PCDH11X: variants seen among roughly 807,000 people sequenced by gnomAD.
PCDH11X encodes the protein protocadherin 11 X-linked.
A neutral mutation model predicts 53.3 loss-of-function variants in PCDH11X; 18 were observed. The observed-to-expected ratio is 0.34, with a 90% CI of 0.23 to 0.50. The LOEUF is 0.50. Ranked by LOEUF, PCDH11X falls within the 20% of genes least tolerant of loss-of-function variation. The pLI, the probability that PCDH11X is intolerant of heterozygous loss-of-function variation, is 0.98. For synonymous variants in PCDH11X, 279 were observed against 393.3 expected, an observed-to-expected ratio of 0.71 and a Z score of 3.44; for missense variants, 570 against 1,032.4, an observed-to-expected ratio of 0.55 and a Z score of 6.14.
chrX:92,376,083 C>T (rs2070747788), intron 8 of PCDH11X, among the ~76,000 whole-genome samples: 1 of 111,572 alleles, frequency 9.0e-6, no homozygotes, highest in African/African-American at 3.3e-5. Context: ...GCCCTTCTTT[C>T]CCCTATTAGG....
At chrX:92,424,092 AC>A (rs2072043100) in intron 9 of PCDH11X, among the ~76,000 whole-genome samples, 1 of 95,687 alleles carries the variant, frequency 1.0e-5, no homozygotes, top group African/African-American at 3.4e-5. Context: ...GGTACCTTTC[AC>A]AATATTGATT....
At chrX:92,285,500 G>A (rs1019131114) in intron 8 of PCDH11X, among the ~76,000 whole-genome samples, 7 of 110,240 alleles carry the variant, frequency 6.3e-5, no homozygotes, top group Non-Finnish European at 7.6e-5. Context: ...TGATCCGCCC[G>A]CTTCGGCCTC....
intron 6 of PCDH11X, among the ~76,000 whole-genome samples, chrX:92,119,735 C>T (rs2064715114): frequency 8.9e-6 from 1 of 111,791 alleles, no homozygotes; most frequent in Non-Finnish European, 1.9e-5. Flanking sequence ...AGCTGGACAG[C>T]TAGCACATTT....
chrX:92,190,376 C>T (rs144304791), intron 6 of PCDH11X, among the ~76,000 whole-genome samples: 1,733 of 111,403 alleles, frequency 0.016, 30 homozygotes, highest in African/African-American at 0.053. Flanking sequence ...GATGGTTGTA[C>T]GTGTGCAGTC....
chrX:92,576,007 T>TAC (rs1315533321), intron 10 of PCDH11X, among the ~76,000 whole-genome samples: 13 of 34,830 alleles, frequency 3.7e-4, no homozygotes, highest in African/African-American at 1.2e-3. Flanking sequence ...TATATATATA[T>TAC]ATATACACAC....
intron 5 of PCDH11X, among the ~76,000 whole-genome samples, chrX:91,853,894 T>A (rs1938177126): frequency 9.0e-6 from 1 of 110,827 alleles, no homozygotes; most frequent in Admixed American, 9.7e-5. Flanking sequence ...TAGTACATCA[T>A]AGGTGTATAT....
chrX:92,408,180 C>A (rs1203391970), intron 9 of PCDH11X, among the ~76,000 whole-genome samples: 4 of 110,645 alleles, frequency 3.6e-5, no homozygotes, highest in Admixed American at 9.6e-5. Context: ...ACCTTGCCAG[C>A]CTTAAAGTGT....
At chrX:92,533,339 T>A (rs1211459876) in intron 10 of PCDH11X, among the ~76,000 whole-genome samples, 1 of 110,443 alleles carries the variant, frequency 9.1e-6, no homozygotes, top group East Asian at 2.9e-4. Context: ...AAAAATGTCC[T>A]ACTTAACATA....
chrX:92,052,521 A>G (rs2063382964), intron 6 of PCDH11X, among the ~76,000 whole-genome samples: 1 of 64,401 alleles, frequency 1.6e-5, no homozygotes, highest in Non-Finnish European at 2.9e-5. Context: ...TTGTCCAGTT[A>G]TAATTATCTA....
intron 6 of PCDH11X, among the ~76,000 whole-genome samples, chrX:92,124,546 A>T (rs1455519618): frequency 6.5e-5 from 6 of 92,855 alleles, no homozygotes; most frequent in African/African-American, 2.9e-4. Flanking sequence ...ACTCCATTTA[A>T]AAAAAAAAAA....
chrX:92,001,335 T>G (rs895511377), intron 6 of PCDH11X, among the ~76,000 whole-genome samples: 1 of 111,903 alleles, frequency 8.9e-6, no homozygotes, highest in African/African-American at 3.2e-5. Flanking sequence ...TCAGTGATGT[T>G]GAGCACCTTC....
chrX:92,375,160 ATATATATTTTT>A (rs2070714815), intron 8 of PCDH11X, among the ~76,000 whole-genome samples: 1 of 11,306 alleles, frequency 8.8e-5, no homozygotes, highest in South Asian at 6.3e-3. Flanking sequence ...ATATATATAT[ATATATATTTTT>A]TTTTTTTTTT....
intron 1 of PCDH11X, among the ~76,000 whole-genome samples, chrX:91,785,116 G>A (rs1935284652): frequency 1.9e-5 from 2 of 104,755 alleles, no homozygotes; most frequent in Non-Finnish European, 3.9e-5. Flanking sequence ...TCCTGACACT[G>A]TTTCGCTGCA....
At chrX:92,226,514 T>C (rs765696263) in intron 7 of PCDH11X, among the ~76,000 whole-genome samples, 36 of 111,902 alleles carry the variant, frequency 3.2e-4, no homozygotes, top group Admixed American at 2.6e-3. Context: ...CCAGTTCTTA[T>C]TGGAATTAAA....
intron 4 of PCDH11X, chrX:91,834,935 T>C: frequency 1.3e-6 from 1 of 761,727 alleles, no homozygotes; most frequent in African/African-American, 2.3e-5. Flanking sequence ...GTCCCTCCTT[T>C]ATAATGATTC....
intron 6 of PCDH11X, among the ~76,000 whole-genome samples, chrX:92,050,821 C>G (rs1370742539): frequency 1.9e-5 from 2 of 107,824 alleles, no homozygotes; most frequent in African/African-American, 6.7e-5. Flanking sequence ...AATTCCCTTG[C>G]AAGTTTTGGT....
intron 6 of PCDH11X, among the ~76,000 whole-genome samples, chrX:92,126,478 G>A (rs36057560): frequency 7.3e-5 from 8 of 109,681 alleles, no homozygotes; most frequent in Non-Finnish European, 1.5e-4. Context: ...GTGTGGTGGC[G>A]CATGCCTGTA....
Position 91,835,906 on chromosome X carries a change from T to C in PCDH11X, c.402T>C (p.Asp134=), listed in dbSNP as rs1364298079. 2.5e-6 allele frequency: 3 copies of C among 1,205,808 alleles called. No homozygotes were observed. Among genetic ancestry groups the C allele is most frequent in the Non-Finnish European group, 2.2e-6 (2 of 893,590 alleles). The change falls in exon 5 of 11, where the codon GAT becomes GAC. Residue 134 remains aspartate (D), a synonymous_variant. Coordinates refer to ENST00000682573, the MANE Select transcript of PCDH11X (RefSeq NM_032968.5). ...GTTTTCTGATAGAAGATATAAATGA[T>C]AATGCACCATTGTTCCCAGCAACAG... is the stretch of plus-strand genomic sequence containing the variant. ...KIRFLIEDIN[D]NAPLFPATVI...
chrX:92,543,289 G>T (rs2148739721), intron 10 of PCDH11X, among the ~76,000 whole-genome samples: 1 of 102,833 alleles, frequency 9.7e-6, no homozygotes, highest in African/African-American at 3.5e-5. Context: ...CTCCAATCGT[G>T]ATTGAAAGCA....
Sources: gnomAD v4.1 joint callset for allele counts (sites outside exome capture counted in the v4.1 genomes callset) on GRCh38, gnomAD v4.1.1 for gene constraint, MANE v1.5 for transcripts, NCBI Gene and HGNC (gene_info 2026-07-23, HGNC 2026-07-21) for gene names.